Variants in SCGB2B2 observed in about 807,000 individuals in gnomAD.
The protein encoded by SCGB2B2 is secretoglobin family 2B member 2, also known as secretoglobin-like protein.
A neutral mutation model predicts 7.6 loss-of-function variants in SCGB2B2; 11 were observed. The observed-to-expected ratio is 1.45, with a 90% confidence interval of 0.91 to 2.40. The LOEUF is 2.40. SCGB2B2 is among the 30% of genes most tolerant of loss of function. The pLI is 0.00. For missense variants in SCGB2B2, 104 were observed against 115.4 expected, an observed-to-expected ratio of 0.90 and a Z score of 0.45; for synonymous variants, 50 against 48.6, an observed-to-expected ratio of 1.03 and a Z score of -0.12.
In SCGB2B2 at chr19:34,645,525, GACAC is replaced by G. The variant is rs869072023; in HGVS notation, c.-2032+30101_-2032+30104del. On this transcript the variant is annotated intron_variant, in intron 1 of 3. Transcript: ENST00000601241. Reference sequence around the variant, plus strand: ...ATACACAGACACACAGACACACACAGACACACACAGACACAGACACACACACACA... The same window carrying G: ...ATACACAGACACACAGACACACACAGACACAGACACAGACACACACACACA... The G allele has an allele frequency of 2.2e-5, 3 of 139,356 alleles. No homozygotes were observed. The East Asian group carries it at 6.1e-4, about 28-fold the overall frequency. 8.6% of individuals were successfully genotyped at this position (139,356 alleles called of 1,614,324 possible).
At chr19:34,590,601 T>C (rs565705655), downstream of SCGB2B2, among the ~76,000 whole-genome samples, 34 of 152,334 alleles carry the variant, frequency 2.2e-4, no homozygotes, top group African/African-American at 7.7e-4. Context: ...AAGCTCCATA[T>C]AGTGCTAGGT....
chr19:34,620,232 T>C (rs1002788119), intron 1 of SCGB2B2, among the ~76,000 whole-genome samples: 17 of 152,176 alleles, frequency 1.1e-4, no homozygotes, highest in African/African-American at 4.1e-4. Flanking sequence ...TGTACACATA[T>C]GTTTATTGTG....
At chr19:34,674,311 A>T (rs2067870708) in intron 1 of SCGB2B2, among the ~76,000 whole-genome samples, 1 of 152,234 alleles carries the variant, frequency 6.6e-6, no homozygotes, top group Non-Finnish European at 1.5e-5. Context: ...TCTCTAGAAG[A>T]GAAAGGCACT....
intron 1 of SCGB2B2, among the ~76,000 whole-genome samples, chr19:34,622,421 C>T (rs2066265999): frequency 6.6e-6 from 1 of 152,196 alleles, no homozygotes; most frequent in Non-Finnish European, 1.5e-5. Flanking sequence ...AGTTATCTCA[C>T]TGTACCTGGG....
At chr19:34,660,834 T>C (rs1016529330) in intron 1 of SCGB2B2, among the ~76,000 whole-genome samples, 2 of 152,220 alleles carry the variant, frequency 1.3e-5, no homozygotes, top group South Asian at 2.1e-4. Flanking sequence ...CATATGTTTA[T>C]TGCAGCACTA....
chr19:34,624,563 G>A (rs750465964), intron 1 of SCGB2B2, among the ~76,000 whole-genome samples: 3 of 152,160 alleles, frequency 2.0e-5, no homozygotes, highest in Non-Finnish European at 4.4e-5. Flanking sequence ...ACAAAGAAGG[G>A]ATAGGAGACA....
intron 1 of SCGB2B2, among the ~76,000 whole-genome samples, chr19:34,616,682 T>C (rs1400335639): frequency 1.4e-5 from 2 of 141,786 alleles, no homozygotes; most frequent in African/African-American, 5.4e-5. Context: ...AGAAGCTCTT[T>C]AGTTTAATTA....
At position 34,638,470 on chromosome 19, in the gene SCGB2B2, T is replaced by TC. The variant is rs112900830; in HGVS notation, c.-2032+37159dup. 6.6e-4 allele frequency among the ~76,000 whole-genome samples: 93 copies of TC among 139,972 alleles called. 1 individual carries two copies. The highest frequency in any genetic ancestry group is 1.2e-3 in the Non-Finnish European group (78 of 64,288). 91.8% of individuals were successfully genotyped at this position (139,972 alleles called of 152,430 possible). A position where few individuals can be genotyped will look rare whatever the true frequency, so the allele number is the denominator to read the frequency against. ...AAACAAAAAAAAAAAGGAACACCCATCCCCCCCCAAAAAAACAAACAATGA... is the reference window on the plus strand; with the variant it reads ...AAACAAAAAAAAAAAGGAACACCCATCCCCCCCCCAAAAAAACAAACAATGA... On this transcript the variant is annotated intron_variant, in intron 1 of 3. Coordinates refer to ENST00000601241, the MANE Select transcript of SCGB2B2 (RefSeq NM_001025591.4).
At chr19:34,597,628 C>A (rs1036890456) in intron 1 of SCGB2B2, among the ~76,000 whole-genome samples, 3 of 152,224 alleles carry the variant, frequency 2.0e-5, no homozygotes, top group African/African-American at 7.2e-5. Flanking sequence ...GGGCTCTGGG[C>A]AGCAGATGCA....
intron 1 of SCGB2B2, among the ~76,000 whole-genome samples, chr19:34,628,290 T>C (rs933838573): frequency 6.6e-6 from 1 of 151,888 alleles, no homozygotes; most frequent in Admixed American, 6.6e-5. Context: ...CTGAAGAAGA[T>C]AGAGACAAAA....
intron 1 of SCGB2B2, among the ~76,000 whole-genome samples, chr19:34,637,942 C>T (rs778010478): frequency 6.6e-6 from 1 of 152,120 alleles, no homozygotes; most frequent in South Asian, 2.1e-4. Context: ...GAGGCTGTGA[C>T]AGTAGTTTAA....
intron 1 of SCGB2B2, among the ~76,000 whole-genome samples, chr19:34,615,020 G>A (rs1248288659): frequency 2.6e-5 from 4 of 152,216 alleles, no homozygotes; most frequent in Admixed American, 2.0e-4. Flanking sequence ...GGGGAAGGGT[G>A]TAACAGCTGC....
At chr19:34,618,347 G>T (rs1037038841) in intron 1 of SCGB2B2, among the ~76,000 whole-genome samples, 10 of 152,110 alleles carry the variant, frequency 6.6e-5, no homozygotes, top group African/African-American at 2.4e-4. Context: ...ATTTTCTGTT[G>T]AACAGCAGAT....
intron 1 of SCGB2B2, chr19:34,645,521 C>T (rs1325950813): frequency 1.4e-5 from 1 of 69,258 alleles, no homozygotes; most frequent in Non-Finnish European, 3.0e-5. Context: ...CACAGACACA[C>T]ACAGACACAC....
At chr19:34,639,470 G>A (rs528910214) in intron 1 of SCGB2B2, among the ~76,000 whole-genome samples, 207 of 152,226 alleles carry the variant, frequency 1.4e-3, no homozygotes, top group African/African-American at 4.7e-3. Context: ...TCAAGATCTG[G>A]GGACTATGTA....
At chr19:34,662,517 A>C (rs1405063256) in intron 1 of SCGB2B2, among the ~76,000 whole-genome samples, 1 of 152,044 alleles carries the variant, frequency 6.6e-6, no homozygotes, top group Non-Finnish European at 1.5e-5. Context: ...ACACACACAC[A>C]CACACACACA....
chr19:34,656,589 C>A (rs982938334), intron 1 of SCGB2B2, among the ~76,000 whole-genome samples: 10 of 151,172 alleles, frequency 6.6e-5, no homozygotes, highest in Non-Finnish European at 1.5e-5. Context: ...GGTAACAAAG[C>A]ACAACCTTGT....
At chr19:34,663,461 G>A (rs1400707091) in intron 1 of SCGB2B2, among the ~76,000 whole-genome samples, 2 of 152,204 alleles carry the variant, frequency 1.3e-5, no homozygotes, top group Admixed American at 6.5e-5. Context: ...GAACACACAC[G>A]ATGACTACGG....
chr19:34,606,934 T>G (rs192726691), intron 1 of SCGB2B2, among the ~76,000 whole-genome samples: 3 of 152,092 alleles, frequency 2.0e-5, no homozygotes, highest in Non-Finnish European at 2.9e-5. Context: ...CTCTCTACAA[T>G]AGAGTATTAT....
Sources: allele counts gnomAD v4.1 joint callset (sites outside exome capture counted in the v4.1 genomes callset), GRCh38; gene constraint gnomAD v4.1.1; transcripts MANE v1.5; gene names NCBI Gene and HGNC (gene_info 2026-07-23, HGNC 2026-07-21).